Variants in RNF213 observed in about 807,000 individuals in gnomAD.
RNF213 encodes the protein ring finger protein 213.
In RNF213, 341 loss-of-function variants were observed where a neutral mutation model predicts 514.4. That is an observed-to-expected ratio of 0.66 (90% CI 0.61 to 0.73). The LOEUF (loss-of-function observed/expected upper bound fraction) is 0.73. RNF213 is among the 30% of genes least tolerant of loss of function. RNF213 has a pLI of 0.00. For synonymous variants in RNF213, 2,655 were observed against 2,658.2 expected, an observed-to-expected ratio of 1.00 and a Z score of 0.04; for missense variants, 5,767 against 6,615.6, an observed-to-expected ratio of 0.87 and a Z score of 4.45.
In RNF213 at chr17:80,263,446, A is replaced by G. The variant is rs1203552807; in HGVS notation, c.-108-128A>G. On this transcript the variant is annotated intron_variant, in intron 1 of 67. Transcript: ENST00000582970. This position sits in a 1 kb window ranked among gnomAD's most constrained non-coding sequence, Gnocchi z 4.9. ...GGCTGGCTGAATGAGGGACCAGGGC[A>G]GAGACTGCAAAAGCTTGAGAGCCAA... The G allele has an allele frequency of 4.7e-6, 2 of 429,168 alleles. No homozygotes were observed. The highest frequency in any genetic ancestry group is 4.4e-6 in the Non-Finnish European group (1 of 225,716). The allele number at this position is 429,168 out of a possible 1,614,324, so 26.6% of individuals were successfully genotyped here. A position where few individuals can be genotyped will look rare whatever the true frequency, so the allele number is the denominator to read the frequency against.
chr17:80,375,994 C>G (rs917093399), intron 51 of RNF213, 124 bp downstream of exon 51: 5 of 826,862 alleles, frequency 6.0e-6, no homozygotes, highest in Non-Finnish European at 1.0e-5. Flanking sequence ...AGGTTCTCAA[C>G]CTTGTTATGT....
chr17:80,293,841 T>C (rs570149734), intron 8 of RNF213, among the ~76,000 whole-genome samples: 3 of 146,882 alleles, frequency 2.0e-5, no homozygotes, highest in Non-Finnish European at 3.0e-5. Flanking sequence ...AAAAAAAACA[T>C]GTGATAGGGG....
Position 80,288,954 on chromosome 17 carries a change from G to A in RNF213, c.933+199G>A, listed in dbSNP as rs1276733966. 6.6e-6 allele frequency among the ~76,000 whole-genome samples: 1 copy of A among 152,210 alleles called. No homozygotes were observed. Among genetic ancestry groups the A allele is most frequent in the East Asian group, 1.9e-4 (1 of 5,190 alleles). On this transcript the variant is annotated intron_variant, in intron 5 of 67. Transcript: ENST00000582970. The surrounding 1 kb of genome is among the most constrained non-coding windows in gnomAD (Gnocchi z 4.9). The stretch of plus-strand genomic sequence containing the variant: ...CTTCAGCGGTGAGAAGAGCGTGGAG[G>A]GAGGGAGAGAGGGCACCCAGGTGGG...
chr17:80,396,261 C>CA lies in RNF213; in HGVS notation c.*2772dup, dbSNP rs780363760. The CA allele has an allele frequency of 0.016, 878 of 53,750 alleles. 4 individuals carry two copies. Among genetic ancestry groups the CA allele is most frequent in the African/African-American group, 0.11 (799 of 7,340 alleles). 3.3% of individuals were successfully genotyped at this position (53,750 alleles called of 1,614,324 possible). A position where few individuals can be genotyped will look rare whatever the true frequency, so the allele number is the denominator to read the frequency against. ...TGGGTGACAGAGTGAGACCCTGTCT[C>CA]AAAAAAAAATAAAATAAGGACCTTA... is the stretch of plus-strand genomic sequence containing the variant. On this transcript the variant is annotated 3_prime_UTR_variant, in exon 68 of 68. Coordinates refer to ENST00000582970, the MANE Select transcript of RNF213 (RefSeq NM_001256071.3).
rs1568077352 is a variant in RNF213, at chr17:80,328,006, T to A, written c.3367+17T>A. 4 of 1,537,090 alleles carry A rather than the reference T, an allele frequency of 2.6e-6. No individual in the cohort carries two copies. Among genetic ancestry groups the A allele is most frequent in the Admixed American group, 3.9e-5 (2 of 50,998 alleles). On this transcript the variant is annotated intron_variant, in intron 19 of 67. Transcript: ENST00000582970. ...GGCAACTGAGTAAGCATCGAGTCGA[T>A]ACGCACTTCAGGCTCCTGAGGCATT...
At chr17:80,340,597 G>GC in intron 26 of RNF213, 1 of 364,326 alleles carries the variant, frequency 2.7e-6, no homozygotes, top group Non-Finnish European at 5.0e-6. Flanking sequence ...CATCTCTGCA[G>GC]TGTACTTTGT....
rs550617559 is a variant in RNF213 at position 80,305,384 on chromosome 17, G to A, written c.2211-868G>A. On this transcript the variant is annotated intron_variant, in intron 11 of 67. Coordinates refer to ENST00000582970, the MANE Select transcript of RNF213 (RefSeq NM_001256071.3). ...GTAGAGACGGGATTTCTCCATGTTG[G>A]TCAGGCTGGTCTTGAACTCCCAACC... Among the ~76,000 whole-genome samples, 11 of 151,794 alleles carry A rather than the reference G, an allele frequency of 7.2e-5. No individual in the cohort carries two copies. The South Asian group carries it at 2.3e-3, about 31-fold the overall frequency.
intron 17 of RNF213, among the ~76,000 whole-genome samples, chr17:80,324,152 A>G (rs2143884661): frequency 6.6e-6 from 1 of 152,312 alleles, no homozygotes; most frequent in East Asian, 1.9e-4. Flanking sequence ...TTGAAAGTGG[A>G]CATCTTTGTC....
chr17:80,286,744 C>T (rs1202281727), intron 3 of RNF213, among the ~76,000 whole-genome samples: 1 of 152,066 alleles, frequency 6.6e-6, no homozygotes, highest in East Asian at 1.9e-4. Context: ...GGGCCCTCAT[C>T]ACACACCACC....
At chr17:80,276,776 G>T (rs1378682552) in intron 3 of RNF213, among the ~76,000 whole-genome samples, 1 of 152,212 alleles carries the variant, frequency 6.6e-6, no homozygotes, top group Non-Finnish European at 1.5e-5. Context: ...TCCTAGGCCG[G>T]GCGCGGTGGC....
chr17:80,378,568 CGCCTCG>C (rs927771315), intron 54 of RNF213, among the ~76,000 whole-genome samples: 37 of 152,168 alleles, frequency 2.4e-4, no homozygotes, highest in African/African-American at 4.8e-4. Flanking sequence ...GCGATCCTCC[CGCCTCG>C]GCCTCCCAAA....
At chr17:80,303,554 T>C (rs2045253179) in intron 11 of RNF213, among the ~76,000 whole-genome samples, 1 of 147,906 alleles carries the variant, frequency 6.8e-6, no homozygotes, top group Non-Finnish European at 1.5e-5. Flanking sequence ...CCTTTTCTTT[T>C]TTCTTTTCTT....
Position 80,361,839 on chromosome 17 carries a change from A to C in RNF213, c.11306A>C (p.Lys3769Thr), listed in dbSNP as rs1428711879. 1 of 1,614,014 alleles carries C rather than the reference A, an allele frequency of 6.2e-7. No homozygotes were observed. The highest frequency in any genetic ancestry group is 1.7e-5 in the Admixed American group (1 of 60,024). The change falls in exon 39 of 68, where the codon AAG becomes ACG. Residue 3769 changes from lysine to threonine, a missense_variant. Lys to Thr is a moderately conservative substitution (Grantham distance 78, BLOSUM62 -1). Transcript: ENST00000582970. ...CAGGAACTTCTTCAGTGTTACTTGA[A>C]GGATTTCATTCTCTTGACCATGCGT... ...PQQELLQCYLKDFILLTMRVS... is the reference protein window; with the variant it reads ...PQQELLQCYLTDFILLTMRVS...
chr17:80,280,161 G>A (rs748139166), intron 3 of RNF213, among the ~76,000 whole-genome samples: 9 of 152,356 alleles, frequency 5.9e-5, no homozygotes, highest in African/African-American at 1.9e-4. Flanking sequence ...GCGTCCACAC[G>A]GGGCTGGACT....
rs1327035917 is a variant in RNF213 at position 80,358,339 on chromosome 17, CATG to C, written c.10917_10919del (p.Met3639del). 3.1e-6 allele frequency: 5 copies of C among 1,614,170 alleles called. No individual in the cohort carries two copies. The highest frequency in any genetic ancestry group is 2.2e-5 in the East Asian group (1 of 44,884). On this transcript the variant is annotated inframe_deletion, in exon 37 of 68. Coordinates refer to ENST00000582970, the MANE Select transcript of RNF213 (RefSeq NM_001256071.3). ...GTGCTGTCACCCCTCTGCTGGCGAG[CATG>C]ATATCATTCATCGACAGAGACGGCA...
intron 36 of RNF213, chr17:80,355,364 G>T (rs866593905): frequency 0.055 from 19,193 of 350,014 alleles, 1,188 homozygotes; most frequent in Middle Eastern, 0.087. Context: ...GGGTGAACGG[G>T]AATGGGAGCT....
rs2078211376 is a variant in RNF213, at chr17:80,343,212, C to T, written c.6070C>T (p.Arg2024Ter). The part of the protein sequence containing the change: ...NVKNVPLKTI[R>*]LIDPQVDESR... ...GAAAAATGTGCCTCTGAAAACAATT[C>T]GACTGATCGACCCTCAGGTGGATGA... Residue 2024 changes from arginine (R) to a stop codon, truncating the protein, a stop_gained, in exon 27 of 68, where the codon CGA (arginine) becomes TGA (stop). Coordinates refer to ENST00000582970, the MANE Select transcript of RNF213 (RefSeq NM_001256071.3). LOFTEE classifies it high-confidence loss of function. This position sits in a 1 kb window ranked among gnomAD's most constrained non-coding sequence, Gnocchi z 4.3. 2 of 1,613,998 alleles carry T rather than the reference C, an allele frequency of 1.2e-6. No individual in the cohort carries two copies. The highest frequency in any genetic ancestry group is 1.7e-6 in the Non-Finnish European group (2 of 1,179,942).
chr17:80,312,779 C>A (rs138538903), intron 14 of RNF213, among the ~76,000 whole-genome samples: 1 of 152,164 alleles, frequency 6.6e-6, no homozygotes, highest in South Asian at 2.1e-4. Flanking sequence ...AGATGCCGTT[C>A]CCTCCCTCCC....
chr17:80,360,337 G>A (rs1384164087), intron 38 of RNF213, 131 bp downstream of exon 38: 1 of 1,052,448 alleles, frequency 9.5e-7, no homozygotes, highest in Non-Finnish European at 1.4e-6. Flanking sequence ...CACTTTGTTT[G>A]TGCAGTAAGC....
Sources: allele counts gnomAD v4.1 joint callset (sites outside exome capture counted in the v4.1 genomes callset), GRCh38; gene constraint gnomAD v4.1.1; non-coding constraint Gnocchi (gnomAD v3.1); transcripts MANE v1.5; gene names NCBI Gene and HGNC (gene_info 2026-07-23, HGNC 2026-07-21).